Variants in KIF5C observed in about 807,000 individuals in gnomAD.
KIF5C encodes kinesin family member 5C.
In KIF5C, 18 loss-of-function variants were observed where a neutral mutation model predicts 125.2. The ratio of observed to expected loss-of-function variants is 0.14; its 90% CI spans 0.10 to 0.21. KIF5C has a LOEUF of 0.21. KIF5C is among the 10% of genes least tolerant of loss of function. The probability of loss-of-function intolerance (pLI) is 1.00; values close to 1 mark genes in which losing one functional copy is unlikely to be tolerated. For synonymous variants in KIF5C, 405 were observed against 434.0 expected, an observed-to-expected ratio of 0.93 and a Z score of 0.83; for missense variants, 780 against 1,183.8, an observed-to-expected ratio of 0.66 and a Z score of 5.01.
At position 149,008,057 on chromosome 2, in the gene KIF5C, T is replaced by A; in HGVS notation, c.2540T>A (p.Val847Asp). ...AATAACCTGGAGCAGCTCACCAAAGTTCACAAGCAGGTAGGAGAGTTCTGC... is the reference window on the plus strand; with the variant it reads ...AATAACCTGGAGCAGCTCACCAAAGATCACAAGCAGGTAGGAGAGTTCTGC... The part of the protein sequence containing the change: ...LENNLEQLTK[V>D]HKQLVRDNAD... The change falls in exon 23 of 26, where the codon GTT becomes GAT. Residue 847 changes from valine to aspartate, a missense_variant. Val to Asp is a radical substitution (Grantham distance 152). Transcript: ENST00000435030. 6.2e-7 allele frequency: 1 copy of A among 1,611,402 alleles called. No homozygotes were observed. Among genetic ancestry groups the A allele is most frequent in the Non-Finnish European group, 8.5e-7 (1 of 1,178,182 alleles).
chr2:148,951,016 AC>A (rs1682644783), intron 10 of KIF5C, among the ~76,000 whole-genome samples: 1 of 152,200 alleles, frequency 6.6e-6, no homozygotes, highest in Non-Finnish European at 1.5e-5. Flanking sequence ...AAACGGAACA[AC>A]CAAACTCATT....
At position 148,948,367 on chromosome 2, in the gene KIF5C, A is replaced by G. The variant is rs565213297; in HGVS notation, c.714+1344A>G. On this transcript the variant is annotated intron_variant, in intron 8 of 25. Coordinates refer to ENST00000435030, the MANE Select transcript of KIF5C (RefSeq NM_004522.3). ...GGGAGACTCTGTCTCAAAAAAAAAA[A>G]AAAAAATTTACTAGTACGGGCTTGT... Among the ~76,000 whole-genome samples the G allele has an allele frequency of 2.9e-3, 445 of 152,056 alleles. 11 individuals carry two copies. The highest frequency in any genetic ancestry group is 0.016 in the Admixed American group (239 of 15,268).
intron 2 of KIF5C, among the ~76,000 whole-genome samples, chr2:148,928,195 AC>A (rs974780612): frequency 3.3e-5 from 5 of 151,912 alleles, no homozygotes; most frequent in African/African-American, 1.2e-4. Flanking sequence ...AATTCAGAGA[AC>A]CCCCTCTACC....
Position 149,002,484 on chromosome 2 carries a change from AAC to A in KIF5C, c.2373+1709_2373+1710del, listed in dbSNP as rs1179492628. Among the ~76,000 whole-genome samples, 3 of 152,274 alleles carry A rather than the reference AAC, an allele frequency of 2.0e-5. No homozygotes were observed. The East Asian group carries it at 5.8e-4, about 29-fold the overall frequency. ...TGCTCCTCCATACACAAGTACTTACAACACACACTCTTGCTCACACACAGAAC... is the reference window on the plus strand; with the variant it reads ...TGCTCCTCCATACACAAGTACTTACAACACACTCTTGCTCACACACAGAAC... On this transcript the variant is annotated intron_variant, in intron 21 of 25. Coordinates refer to ENST00000435030, the MANE Select transcript of KIF5C (RefSeq NM_004522.3).
At chr2:148,941,269 G>A (rs914790822) in intron 4 of KIF5C, among the ~76,000 whole-genome samples, 3 of 152,154 alleles carry the variant, frequency 2.0e-5, no homozygotes, top group Admixed American at 6.5e-5. Flanking sequence ...GCAATAAGGT[G>A]AGGCCTACTG....
intron 1 of KIF5C, among the ~76,000 whole-genome samples, chr2:148,893,871 T>C (rs1342318327): frequency 6.6e-6 from 1 of 152,280 alleles, no homozygotes; most frequent in Non-Finnish European, 1.5e-5. Flanking sequence ...GCTGCCTACA[T>C]ATTGCTTTTG....
chr2:148,994,447 A>C lies in KIF5C; in HGVS notation c.1932A>C (p.Thr644=). 1 of 1,570,526 alleles carries C rather than the reference A, an allele frequency of 6.4e-7. No individual in the cohort carries two copies. Among genetic ancestry groups the C allele is most frequent in the South Asian group, 1.2e-5 (1 of 85,018 alleles). The change falls in exon 17 of 26, where the codon ACA becomes ACC. Residue 644 remains threonine (T), a synonymous_variant. Transcript: ENST00000435030. The stretch of plus-strand genomic sequence containing the variant: ...ACGAAGCCAAGATCAAGTCTCTGAC[A>C]GACTACATGCAGAACATGGAACAGA... ...SQHEAKIKSL[T]DYMQNMEQKR...
intron 25 of KIF5C, among the ~76,000 whole-genome samples, chr2:149,016,371 G>A (rs759498659): frequency 2.6e-4 from 40 of 152,108 alleles, no homozygotes; most frequent in Admixed American, 1.8e-3. Flanking sequence ...TGCCTAGGGC[G>A]TCACTGTAGG....
chr2:148,975,291 C>A (rs911153784), intron 12 of KIF5C, among the ~76,000 whole-genome samples: 7 of 152,112 alleles, frequency 4.6e-5, no homozygotes, highest in Admixed American at 4.6e-4. Context: ...TCTTAGGGGT[C>A]CTCCTCTGAA....
Position 148,922,241 on chromosome 2 carries a change from C to A in KIF5C, c.217+14C>A. The A allele has an allele frequency of 6.5e-7, 1 of 1,549,970 alleles. No homozygotes were observed. Among genetic ancestry groups the A allele is most frequent in the Non-Finnish European group, 8.9e-7 (1 of 1,124,812 alleles). On this transcript the variant is annotated intron_variant, in intron 2 of 25. Coordinates refer to ENST00000435030, the MANE Select transcript of KIF5C (RefSeq NM_004522.3). ...AAATTGTCAAAGGTAAGTGCTATTT[C>A]TTTATTTCCTCCTGGGCCATTCAGA...
intron 1 of KIF5C, among the ~76,000 whole-genome samples, chr2:148,900,076 G>T (rs113174729): frequency 9.2e-4 from 140 of 152,244 alleles, no homozygotes; most frequent in Non-Finnish European, 1.6e-3. Context: ...CTACTCTTCA[G>T]GTACCTTGTT....
At chr2:148,900,468 C>T (rs1421113303) in intron 1 of KIF5C, among the ~76,000 whole-genome samples, 1 of 152,148 alleles carries the variant, frequency 6.6e-6, no homozygotes, top group Non-Finnish European at 1.5e-5. Flanking sequence ...TCCATGAGTG[C>T]AGACAGTCAG....
rs1405761542 is a variant in KIF5C at position 149,023,736 on chromosome 2, G to C, written c.*666G>C. The C allele has an allele frequency of 1.3e-5, 2 of 152,416 alleles. No homozygotes were observed. Among genetic ancestry groups the C allele is most frequent in the Non-Finnish European group, 2.9e-5 (2 of 68,046 alleles). 9.4% of individuals were successfully genotyped at this position (152,416 alleles called of 1,614,324 possible). A position where few individuals can be genotyped will look rare whatever the true frequency, so the allele number is the denominator to read the frequency against. On this transcript the variant is annotated 3_prime_UTR_variant, in exon 26 of 26. Transcript: ENST00000435030. ...AGAATTTGTTCATTCAAATACATCTGTGTAAATGCAAAAAGTCATAAAATT... is the reference window on the plus strand; with the variant it reads ...AGAATTTGTTCATTCAAATACATCTCTGTAAATGCAAAAAGTCATAAAATT...
At position 148,944,550 on chromosome 2, in the gene KIF5C, G is replaced by A. The variant is rs150650177; in HGVS notation, c.589+1790G>A. ...AAAATTCGTTTAACCATTAATGGAC[G>A]CTTGGGTGGCTTCCACATTTTGGCA... On this transcript the variant is annotated intron_variant, in intron 7 of 25. Coordinates refer to ENST00000435030, the MANE Select transcript of KIF5C (RefSeq NM_004522.3). 7.7e-3 allele frequency among the ~76,000 whole-genome samples: 1,172 copies of A among 152,256 alleles called. 20 individuals carry two copies. The highest frequency in any genetic ancestry group is 0.027 in the African/African-American group (1,128 of 41,548).
chr2:149,000,270 C>A, intron 19 of KIF5C, 153 bp from the exon 20 acceptor site: 1 of 854,366 alleles, frequency 1.2e-6, no homozygotes, highest in Non-Finnish European at 1.7e-6. Flanking sequence ...ACGGAGGAAG[C>A]TGTGAGGCTG....
chr2:148,880,954 G>GTTTT (rs371343902), intron 1 of KIF5C, among the ~76,000 whole-genome samples: 18 of 129,224 alleles, frequency 1.4e-4, no homozygotes, highest in African/African-American at 5.1e-4. Context: ...AAAAAACCTA[G>GTTTT]TTTTTTTTTT....
intron 1 of KIF5C, among the ~76,000 whole-genome samples, chr2:148,908,495 T>G (rs1681202287): frequency 1.3e-5 from 2 of 152,236 alleles, no homozygotes; most frequent in African/African-American, 2.4e-5. Context: ...AGGGCCACCC[T>G]GACCTTAGCG....
intron 1 of KIF5C, chr2:148,883,976 A>C (rs1198874940): frequency 6.6e-6 from 1 of 152,138 alleles, no homozygotes; most frequent in Non-Finnish European, 1.5e-5. Context: ...AGAAATAGCA[A>C]ATTGTCTTCT....
At chr2:148,991,718 G>A (rs1351867661) in intron 16 of KIF5C, among the ~76,000 whole-genome samples, 1 of 152,168 alleles carries the variant, frequency 6.6e-6, no homozygotes, top group East Asian at 1.9e-4. Context: ...ATAGGCAGCT[G>A]AGATTTAGAC....
Sources: gnomAD v4.1 joint callset for allele counts (sites outside exome capture counted in the v4.1 genomes callset) on GRCh38, gnomAD v4.1.1 for gene constraint, MANE v1.5 for transcripts, NCBI Gene and HGNC (gene_info 2026-07-23, HGNC 2026-07-21) for gene names.